The following ASB11 variants were observed in gnomAD, a reference collection of about 807,000 sequenced individuals.
ASB11 encodes ankyrin repeat and SOCS box protein 11.
Under a neutral mutation model 20.1 loss-of-function variants are expected in ASB11, and 17 were observed. That is an observed-to-expected ratio of 0.85 (90% CI 0.58 to 1.27). The LOEUF is 1.27. ASB11 is among the 50% of genes most tolerant of loss of function. The pLI is 0.00. For missense variants in ASB11, 259 were observed against 256.9 expected, an observed-to-expected ratio of 1.01 and a Z score of -0.06; for synonymous variants, 107 against 105.6, an observed-to-expected ratio of 1.01 and a Z score of -0.08.
intron 1 of ASB11, among the ~76,000 whole-genome samples, chrX:15,308,411 C>T (rs971974216): frequency 1.8e-5 from 2 of 111,669 alleles, no homozygotes; most frequent in African/African-American, 6.5e-5. Flanking sequence ...TCCCTCACCA[C>T]ATTGCTGCTT....
At chrX:15,291,949 C>G (rs1166486896) in intron 4 of ASB11, 2 of 102,780 alleles carry the variant, frequency 1.9e-5, no homozygotes, top group Non-Finnish European at 4.0e-5. Context: ...GCAGGAGAAT[C>G]GCTTGAACCC....
intron 1 of ASB11, among the ~76,000 whole-genome samples, chrX:15,310,950 G>A (rs1921412814): frequency 8.9e-6 from 1 of 111,924 alleles, no homozygotes. Flanking sequence ...TCACATCACT[G>A]CACTCCAGCT....
intron 1 of ASB11, among the ~76,000 whole-genome samples, chrX:15,303,907 T>C (rs1246225617): frequency 8.9e-6 from 1 of 112,515 alleles, no homozygotes; most frequent in Non-Finnish European, 1.9e-5. Flanking sequence ...ATTTTTCTTA[T>C]AATTGCTTAT....
At chrX:15,286,113 C>G (rs1427251015) in intron 6 of ASB11, among the ~76,000 whole-genome samples, 1 of 111,290 alleles carries the variant, frequency 9.0e-6, no homozygotes, top group Non-Finnish European at 1.9e-5. Flanking sequence ...GCTAGACATG[C>G]AGAGTCACAG....
At chrX:15,288,637 A>T (rs762379602) in intron 5 of ASB11, among the ~76,000 whole-genome samples, 1 of 111,463 alleles carries the variant, frequency 9.0e-6, no homozygotes, top group East Asian at 2.8e-4. Context: ...TAATCCCAGC[A>T]CTTTGGGAGA....
intron 1 of ASB11, among the ~76,000 whole-genome samples, chrX:15,313,095 C>T (rs368403151): frequency 4.4e-4 from 49 of 111,617 alleles, no homozygotes; most frequent in African/African-American, 1.3e-3. Context: ...TGCCTACATT[C>T]TTATAGAAAG....
intron 1 of ASB11, among the ~76,000 whole-genome samples, chrX:15,312,426 A>AAAAC (rs1476407072): frequency 1.9e-5 from 2 of 105,955 alleles, no homozygotes; most frequent in Admixed American, 1.0e-4. Context: ...ACAAAAAAAA[A>AAAAC]AAAAAAAAAA....
At position 15,283,440 on chromosome X, in the gene ASB11, G is replaced by C. The variant is rs1425101708; in HGVS notation, c.*65C>G. 2 of 1,168,922 alleles carry C rather than the reference G, an allele frequency of 1.7e-6. No individual in the cohort carries two copies. The highest frequency in any genetic ancestry group is 2.3e-6 in the Non-Finnish European group (2 of 859,836). On this transcript the variant is annotated 3_prime_UTR_variant, in exon 7 of 7. Coordinates refer to ENST00000480796, the MANE Select transcript of ASB11 (RefSeq NM_080873.3). ...TCTAAGCTGTTGAGCTTCTACATTAGGTACTCTAGGTACAGCAGACAACAA... is the reference window on the plus strand; with the variant it reads ...TCTAAGCTGTTGAGCTTCTACATTACGTACTCTAGGTACAGCAGACAACAA...
intron 1 of ASB11, among the ~76,000 whole-genome samples, chrX:15,303,303 C>T (rs1028204526): frequency 1.1e-4 from 12 of 110,537 alleles, no homozygotes; most frequent in South Asian, 3.9e-4. Context: ...TGTCTTGGGC[C>T]ACACATGAAA....
intron 1 of ASB11, among the ~76,000 whole-genome samples, chrX:15,308,954 T>C (rs1437481881): frequency 9.0e-6 from 1 of 111,258 alleles, no homozygotes; most frequent in Non-Finnish European, 1.9e-5. Context: ...TCTCGCTCTG[T>C]CCCCTAGGCT....
intron 3 of ASB11, among the ~76,000 whole-genome samples, chrX:15,295,112 G>A (rs1490403893): frequency 9.1e-6 from 1 of 110,148 alleles, no homozygotes; most frequent in African/African-American, 3.3e-5. Context: ...GTGTGATCTC[G>A]GCTCACTGCA....
rs565670504 is a variant in ASB11, at chrX:15,313,414, A to T, written c.181+2011T>A. Among the ~76,000 whole-genome samples, 3 of 109,898 alleles carry T rather than the reference A, an allele frequency of 2.7e-5. No individual in the cohort carries two copies. The Admixed American group carries it at 2.9e-4, about 11-fold the overall frequency. ...AATCCATCTCAAAACAAACAAAAAA[A>T]CAGAAAGTCTTATTTACCAAATCTT... On this transcript the variant is annotated intron_variant, in intron 1 of 6. Coordinates refer to ENST00000480796, the MANE Select transcript of ASB11 (RefSeq NM_080873.3).
At chrX:15,312,507 CAAAAAA>C (rs66828848) in intron 1 of ASB11, among the ~76,000 whole-genome samples, 1 of 61,850 alleles carries the variant, frequency 1.6e-5, no homozygotes. Flanking sequence ...ATGCAGCTTC[CAAAAAA>C]AAAAAAAAAA....
chrX:15,307,083 G>T, intron 1 of ASB11, among the ~76,000 whole-genome samples: 1 of 112,521 alleles, frequency 8.9e-6, no homozygotes, highest in South Asian at 3.7e-4. Flanking sequence ...GATTTAAGTG[G>T]CAACTTGCAA....
rs140429809 is a variant in ASB11, at chrX:15,308,771, G to A, written c.182-5964C>T. ...TGGTTTTTAATTTCTCCTTATTCTC[G>A]TGGTAGATTGACTTGTCTTGGGTTG... On this transcript the variant is annotated intron_variant, in intron 1 of 6. Coordinates refer to ENST00000480796, the MANE Select transcript of ASB11 (RefSeq NM_080873.3). 3.2e-3 allele frequency among the ~76,000 whole-genome samples: 356 copies of A among 111,369 alleles called. 2 individuals carry two copies. Among genetic ancestry groups the A allele is most frequent in the African/African-American group, 0.011 (328 of 30,628 alleles).
intron 3 of ASB11, among the ~76,000 whole-genome samples, chrX:15,295,493 C>T (rs1050582513): frequency 1.8e-5 from 2 of 111,782 alleles, no homozygotes; most frequent in Admixed American, 1.9e-4. Context: ...AGATGACTCT[C>T]AGGTTTGCAG....
chrX:15,283,606 A>G lies in ASB11; in HGVS notation c.871T>C (p.Cys291Arg), dbSNP rs772919113. ...REGPPALSQL[C>R]RLCVRKCLGR... Reference sequence around the variant, plus strand: ...AGACACTTCCGGACACACAGGCGGCAGAGCTGGGAAAGAGCAGGTGGGCCT... The same window carrying G: ...AGACACTTCCGGACACACAGGCGGCGGAGCTGGGAAAGAGCAGGTGGGCCT... Residue 291 changes from cysteine (C) to arginine (R), a missense_variant, in exon 7 of 7, where the codon TGC (cysteine) becomes CGC (arginine). Physicochemically the swap from Cys to Arg is radical, Grantham distance 180. Transcript: ENST00000480796. 18 of 1,205,902 alleles carry G rather than the reference A, an allele frequency of 1.5e-5. No individual in the cohort carries two copies. In the Admixed American group the frequency reaches 3.7e-4, roughly 25 times the overall value.
intron 2 of ASB11, among the ~76,000 whole-genome samples, chrX:15,298,130 A>C (rs1187612691): frequency 2.7e-5 from 3 of 112,256 alleles, no homozygotes. Context: ...CAAAAGAGCA[A>C]GAATATTGCT....
rs1192040916 is a variant in ASB11 at position 15,293,201 on chromosome X, C to T, written c.489G>A (p.Leu163=). Residue 163 remains leucine, a synonymous_variant, in exon 4 of 7, where the codon CTG becomes CTA. Coordinates refer to ENST00000480796, the MANE Select transcript of ASB11 (RefSeq NM_080873.3). ...TCACTGCCTCATGGATGGGCGAGGCCAGGTGCACCTCCAACTGGGCCTTGG... is the reference window on the plus strand; with the variant it reads ...TCACTGCCTCATGGATGGGCGAGGCTAGGTGCACCTCCAACTGGGCCTTGG... The part of the protein sequence containing the change: ...FGAKAQLEVH[L]ASPIHEAVKR... 1 of 1,211,482 alleles carries T rather than the reference C, an allele frequency of 8.3e-7. No homozygotes were observed. The highest frequency in any genetic ancestry group is 1.1e-6 in the Non-Finnish European group (1 of 895,412).
Sources: gnomAD v4.1 joint callset for allele counts (sites outside exome capture counted in the v4.1 genomes callset) on GRCh38, gnomAD v4.1.1 for gene constraint, MANE v1.5 for transcripts, NCBI Gene and HGNC (gene_info 2026-07-23, HGNC 2026-07-21) for gene names.